ACAD11: variants seen among roughly 807,000 people sequenced by gnomAD.
The protein encoded by ACAD11 is acyl-CoA dehydrogenase family member 11.
Under a neutral mutation model 102.2 loss-of-function variants are expected in ACAD11, and 83 were observed. The ratio of observed to expected loss-of-function variants is 0.81; its 90% CI spans 0.68 to 0.97. ACAD11 has a LOEUF of 0.97. Among genes scored for constraint, ACAD11 ranks in the 50% least tolerant of loss-of-function variants. The pLI, the probability that ACAD11 is intolerant of heterozygous loss-of-function variation, is 0.00. For missense variants in ACAD11, 901 were observed against 951.7 expected, an observed-to-expected ratio of 0.95 and a Z score of 0.70; for synonymous variants, 324 against 319.8, an observed-to-expected ratio of 1.01 and a Z score of -0.14.
At chr3:132,600,352 A>G (rs1363791658) in intron 13 of ACAD11, 1 of 1,473,146 alleles carries the variant, frequency 6.8e-7, no homozygotes. Flanking sequence ...AAGCATATTT[A>G]GACAAATATC....
intron 8 of ACAD11, among the ~76,000 whole-genome samples, chr3:132,627,771 T>C (rs1017938118): frequency 3.9e-5 from 6 of 152,136 alleles, no homozygotes; most frequent in African/African-American, 9.7e-5. Flanking sequence ...ATAAGATAAA[T>C]TGGAAAAAAG....
intron 1 of ACAD11, among the ~76,000 whole-genome samples, chr3:132,655,297 G>T (rs1039140721): frequency 1.5e-4 from 23 of 152,184 alleles, no homozygotes; most frequent in African/African-American, 5.5e-4. Flanking sequence ...AAGAAGCAGA[G>T]ATTCTGTTTT....
intron 17 of ACAD11, among the ~76,000 whole-genome samples, chr3:132,565,088 A>G (rs1937171410): frequency 6.6e-6 from 1 of 152,200 alleles, no homozygotes; most frequent in Non-Finnish European, 1.5e-5. Flanking sequence ...AATCTTTTAG[A>G]GAATAACCAC....
At chr3:132,571,562 T>C (rs1937383853) in intron 17 of ACAD11, among the ~76,000 whole-genome samples, 1 of 152,190 alleles carries the variant, frequency 6.6e-6, no homozygotes. Context: ...ATCTTCATCA[T>C]GAAATCTTTG....
At chr3:132,631,046 G>A (rs1301050486) in intron 6 of ACAD11, among the ~76,000 whole-genome samples, 3 of 152,060 alleles carry the variant, frequency 2.0e-5, no homozygotes, top group Non-Finnish European at 4.4e-5. Context: ...ACTCCAGCCC[G>A]GGTGACAGAG....
chr3:132,649,278 G>A (rs1307570243), intron 1 of ACAD11, among the ~76,000 whole-genome samples: 1 of 152,180 alleles, frequency 6.6e-6, no homozygotes, highest in Non-Finnish European at 1.5e-5. Context: ...GATACAGGAA[G>A]GCCACTGTCT....
rs370839030 is a variant in ACAD11, at chr3:132,641,560, TGAAGAAGAAGAA to T, written c.537+400_537+411del. 7.3e-4 allele frequency among the ~76,000 whole-genome samples: 73 copies of T among 99,566 alleles called. 1 individual carries two copies. The highest frequency in any genetic ancestry group is 2.4e-3 in the African/African-American group (47 of 19,926). 65.3% of individuals were successfully genotyped at this position (99,566 alleles called of 152,430 possible). ...CTCTGTCTCAAAATGATGATGATGA[TGAAGAAGAAGAA>T]GAAGAAGAAGAAGAAGAAGAAGAAG... On this transcript the variant is annotated intron_variant, in intron 4 of 19. Coordinates refer to ENST00000264990, the MANE Select transcript of ACAD11 (RefSeq NM_032169.5).
chr3:132,582,025 TAA>T (rs907622898), intron 13 of ACAD11, among the ~76,000 whole-genome samples: 3 of 151,888 alleles, frequency 2.0e-5, no homozygotes, highest in Non-Finnish European at 4.4e-5. Context: ...AAGGGAGGGA[TAA>T]AGAGTGTAGA....
In ACAD11 at chr3:132,605,181, T is replaced by G. The variant is rs1938789767; in HGVS notation, c.1439A>C (p.His480Pro). ...APDTGNMEVL[H>P]LYGSEEQKKQ... is the part of the protein sequence containing the mutation. The stretch of plus-strand genomic sequence containing the variant: ...CTTCTGTTCCTCACTTCCATACAGG[T>G]GCAGAACCTCCATATTCCCTGTGTC... Residue 480 changes from histidine (H) to proline (P), a missense_variant, in exon 12 of 20, where the codon CAC (histidine) becomes CCC (proline). Transcript: ENST00000264990. The G allele has an allele frequency of 6.2e-7, 1 of 1,613,124 alleles. No homozygotes were observed. The highest frequency in any genetic ancestry group is 1.7e-5 in the Admixed American group (1 of 60,016).
intron 11 of ACAD11, among the ~76,000 whole-genome samples, chr3:132,608,998 C>T (rs943699187): frequency 1.5e-4 from 23 of 152,052 alleles, no homozygotes; most frequent in African/African-American, 4.6e-4. Flanking sequence ...CACTCAAAAC[C>T]GCACATCTAT....
At chr3:132,559,592 T>C (rs1029147965) in intron 19 of ACAD11, among the ~76,000 whole-genome samples, 3 of 152,062 alleles carry the variant, frequency 2.0e-5, no homozygotes, top group African/African-American at 7.2e-5. Flanking sequence ...ATGCTGTATC[T>C]ACAGCCCAGG....
intron 4 of ACAD11, among the ~76,000 whole-genome samples, chr3:132,639,979 C>T (rs915672895): frequency 2.0e-5 from 3 of 151,104 alleles, no homozygotes; most frequent in Non-Finnish European, 2.9e-5. Flanking sequence ...AACACACACA[C>T]GCACACACAC....
chr3:132,617,517 A>C (rs1300859366), intron 11 of ACAD11, among the ~76,000 whole-genome samples: 1 of 152,144 alleles, frequency 6.6e-6, no homozygotes, highest in Non-Finnish European at 1.5e-5. Flanking sequence ...TTTAAAATAT[A>C]TTTAGAATCT....
chr3:132,631,197 A>G, intron 6 of ACAD11, 144 bp downstream of exon 6: 1 of 453,410 alleles, frequency 2.2e-6, no homozygotes, highest in Non-Finnish European at 3.6e-6. Flanking sequence ...AAAAAAATAA[A>G]ATAAAAATAA....
chr3:132,610,655 C>T (rs1222973585), intron 11 of ACAD11, among the ~76,000 whole-genome samples: 1 of 152,144 alleles, frequency 6.6e-6, no homozygotes, highest in Non-Finnish European at 1.5e-5. Context: ...CACATACACC[C>T]TCCCAAGACT....
intron 5 of ACAD11, among the ~76,000 whole-genome samples, chr3:132,635,433 T>G (rs1940237623): frequency 6.6e-6 from 1 of 152,210 alleles, no homozygotes; most frequent in African/African-American, 2.4e-5. Context: ...TAACTGTGTG[T>G]GCTTGCACTC....
chr3:132,641,604 AGG>A (rs1230169664), intron 4 of ACAD11, among the ~76,000 whole-genome samples: 27 of 140,912 alleles, frequency 1.9e-4, no homozygotes, highest in African/African-American at 7.0e-4. Flanking sequence ...GAAGAAGAAG[AGG>A]AGGAAGAAGA....
intron 14 of ACAD11, chr3:132,579,115 C>T (rs963457788): frequency 3.6e-6 from 5 of 1,388,692 alleles, no homozygotes; most frequent in Non-Finnish European, 1.9e-6. Flanking sequence ...CTTCTCACTG[C>T]TCAACAATGG....
intron 18 of ACAD11, among the ~76,000 whole-genome samples, chr3:132,560,348 A>G (rs577344368): frequency 6.6e-6 from 1 of 152,286 alleles, no homozygotes; most frequent in East Asian, 1.9e-4. Flanking sequence ...ATAAGAAAGC[A>G]AAGGATGAGA....
Sources: allele counts gnomAD v4.1 joint callset (sites outside exome capture counted in the v4.1 genomes callset), GRCh38; gene constraint gnomAD v4.1.1; transcripts MANE v1.5; gene names NCBI Gene and HGNC (gene_info 2026-07-23, HGNC 2026-07-21).